The following CYP4F11 variants were observed in gnomAD, a reference collection of about 807,000 sequenced individuals.
CYP4F11 encodes the protein cytochrome P450 family 4 subfamily F member 11, also known as cytochrome P450 4F11.
CYP4F11 carries 79 observed loss-of-function variants against 62.2 expected under a neutral mutation model. That is an observed-to-expected ratio of 1.27 (90% CI 1.06 to 1.53). CYP4F11 has a LOEUF of 1.53. Among genes scored for constraint, CYP4F11 ranks in the 40% most tolerant of loss-of-function variants. The pLI, the probability that CYP4F11 is intolerant of heterozygous loss-of-function variation, is 0.00. For synonymous variants in CYP4F11, 290 were observed against 263.7 expected, an observed-to-expected ratio of 1.10 and a Z score of -0.97; for missense variants, 777 against 680.5, an observed-to-expected ratio of 1.14 and a Z score of -1.58.
chr19:15,920,652 G>T (rs1412515267), intron 8 of CYP4F11, among the ~76,000 whole-genome samples: 9 of 152,140 alleles, frequency 5.9e-5, no homozygotes, highest in African/African-American at 2.2e-4. Context: ...GCCTGGCTCA[G>T]ACCTCAGAAT....
chr19:15,916,380 C>T (rs946122836), intron 8 of CYP4F11, among the ~76,000 whole-genome samples: 1 of 152,106 alleles, frequency 6.6e-6, no homozygotes, highest in Admixed American at 6.6e-5. Context: ...GAATGCATGA[C>T]TAAGACCTCA....
chr19:15,919,285 C>T lies in CYP4F11; in HGVS notation c.1115+2752G>A, dbSNP rs988549837. On this transcript the variant is annotated intron_variant, in intron 8 of 11. Coordinates refer to ENST00000402119, the MANE Select transcript of CYP4F11 (RefSeq NM_021187.4). Reference sequence around the variant, plus strand: ...TATAAATATGTATATATTTCATTGACTCCTATTTATATAAATAAAATACAT... The same window carrying T: ...TATAAATATGTATATATTTCATTGATTCCTATTTATATAAATAAAATACAT... 5.4e-5 allele frequency among the ~76,000 whole-genome samples: 8 copies of T among 147,188 alleles called. 1 individual carries two copies. In the South Asian group the frequency reaches 1.3e-3, roughly 24 times the overall value.
Position 15,922,084 on chromosome 19 carries a change from T to C in CYP4F11, c.1068A>G (p.Gln356=). 6.2e-7 allele frequency: 1 copy of C among 1,614,060 alleles called. No homozygotes were observed. The highest frequency in any genetic ancestry group is 8.5e-7 in the Non-Finnish European group (1 of 1,179,946). The change falls in exon 8 of 12, where the codon CAA becomes CAG. Residue 356 remains glutamine, a synonymous_variant. Coordinates refer to ENST00000402119, the MANE Select transcript of CYP4F11 (RefSeq NM_021187.4). ...KHPEYQEQCR[Q]EVQELLKDRE... ...GGTCCTTCAGAAGCTCTTGCACTTC[T>C]TGCCGGCACTGTTCCTGGTATTCTG...
rs1031284990 is a variant in CYP4F11 at position 15,912,480 on chromosome 19, G to A, written c.*1252C>T. ...GATCAGAATCAAGGCCAGAGTAACC[G>A]AGTGTAGCAAGGGAAGGAGATCAGC... On this transcript the variant is annotated 3_prime_UTR_variant, in exon 12 of 12. Transcript: ENST00000402119. 6.6e-6 allele frequency: 1 copy of A among 151,828 alleles called. No individual in the cohort carries two copies. Among genetic ancestry groups the A allele is most frequent in the South Asian group, 2.1e-4 (1 of 4,798 alleles). The allele number at this position is 151,828 out of a possible 1,614,324, so 9.4% of individuals were successfully genotyped here.
chr19:15,923,732 G>A, intron 6 of CYP4F11, 80 bp downstream of exon 6: 1 of 1,533,486 alleles, frequency 6.5e-7, no homozygotes, highest in Non-Finnish European at 8.8e-7. Flanking sequence ...GTGCCCTTTG[G>A]ATCAAGTCCA....
At chr19:15,919,405 T>TGGATGCAC (rs1555777225) in intron 8 of CYP4F11, among the ~76,000 whole-genome samples, 27 of 141,126 alleles carry the variant, frequency 1.9e-4, no homozygotes, top group African/African-American at 7.1e-4. Flanking sequence ...GGATAAAGGA[T>TGGATGCAC]GGATGGACGG....
rs763634517 is a variant in CYP4F11, at chr19:15,914,830, G to A, written c.1181C>T (p.Pro394Leu). 3 of 1,614,026 alleles carry A rather than the reference G, an allele frequency of 1.9e-6. No individual in the cohort carries two copies. In the African/African-American group the frequency reaches 4.0e-5, roughly 22 times the overall value. ...CIKESLRLHP[P>L]VPVISRCCTQ... ...GCAACATCGGGAGATGACCGGGACT[G>A]GGGGATGCAACCGCAGGCTCTCCTT... Residue 394 changes from proline (P) to leucine (L), a missense_variant, in exon 9 of 12, where the codon CCA becomes CTA. Physicochemically the swap from Pro to Leu is moderately conservative, Grantham distance 98 (BLOSUM62 -3). Transcript: ENST00000402119.
chr19:15,922,153 T>C lies in CYP4F11; in HGVS notation c.999A>G (p.Thr333=), dbSNP rs2089634287. 1 of 1,612,460 alleles carries C rather than the reference T, an allele frequency of 6.2e-7. No individual in the cohort carries two copies. The highest frequency in any genetic ancestry group is 8.5e-7 in the Non-Finnish European group (1 of 1,179,280). Residue 333 remains threonine (T), a synonymous_variant, in exon 8 of 12, where the codon ACA becomes ACG. Transcript: ENST00000402119. ...ATAGGACCCAGGAGAGACCACTGGC[T>C]GTAGTGTCATGGCCTGAGGGGCAGC... ...DTFMFEGHDT[T]ASGLSWVLYH... is the part of the protein sequence containing the mutation.
At chr19:15,926,837 C>G (rs2089671744) in intron 4 of CYP4F11, among the ~76,000 whole-genome samples, 1 of 68,802 alleles carries the variant, frequency 1.5e-5, no homozygotes, top group South Asian at 4.8e-4. Flanking sequence ...CATCCACATG[C>G]AGAAGAACCA....
chr19:15,924,919 G>T (rs767236868), intron 4 of CYP4F11, 37 bp from the exon 5 acceptor site: 20 of 1,589,056 alleles, frequency 1.3e-5, no homozygotes, highest in Non-Finnish European at 1.7e-5. Context: ...GCTGGGAACT[G>T]CCTCCTGGGA....
At chr19:15,934,547 G>T, upstream of CYP4F11, 1 of 1,022,732 alleles carries the variant, frequency 9.8e-7, no homozygotes, top group Non-Finnish European at 1.4e-6. Flanking sequence ...GTAAACAAGA[G>T]CTGAGATCTA....
At chr19:15,919,353 G>GGATAGATA (rs3056075) in intron 8 of CYP4F11, among the ~76,000 whole-genome samples, 144 of 149,754 alleles carry the variant, frequency 9.6e-4, no homozygotes, top group African/African-American at 2.8e-3. Context: ...ATCGATGGAT[G>GGATAGATA]GATAGATAGA....
intron 1 of CYP4F11, 147 bp from the exon 2 acceptor site, chr19:15,929,748 T>C: frequency 1.0e-6 from 1 of 958,014 alleles, no homozygotes. Context: ...CATCGGTGTA[T>C]TTCCAGAAGA....
At position 15,929,536 on chromosome 19, in the gene CYP4F11, A is replaced by C; in HGVS notation, c.264T>G (p.Phe88Leu). 1 of 1,614,100 alleles carries C rather than the reference A, an allele frequency of 6.2e-7. No homozygotes were observed. Among genetic ancestry groups the C allele is most frequent in the Non-Finnish European group, 8.5e-7 (1 of 1,179,972 alleles). Reference sequence around the variant, plus strand: ...GGAAGGTAGGACCCAGCCACAACTTAAAGCCCTGGGGATATGTGGTCACCA... The same window carrying C: ...GGAAGGTAGGACCCAGCCACAACTTCAAGCCCTGGGGATATGTGGTCACCA... ...TQLVTTYPQG[F>L]KLWLGPTFPL... The change falls in exon 2 of 12, where the codon TTT becomes TTG. Residue 88 changes from phenylalanine (F) to leucine (L), a missense_variant. Coordinates refer to ENST00000402119, the MANE Select transcript of CYP4F11 (RefSeq NM_021187.4).
intron 4 of CYP4F11, among the ~76,000 whole-genome samples, chr19:15,926,852 ACT>A (rs1491234775): frequency 0.54 from 82,432 of 151,974 alleles, 22,931 homozygotes; most frequent in Non-Finnish European, 0.6. Flanking sequence ...GAACCAGCCA[ACT>A]GTCTCACACA....
rs2089546233 is a variant in CYP4F11, at chr19:15,912,767, G to GTGTATA, written c.*964_*965insTATACA. ...TATATGTGTGTGTGTGTGTGTGTGTGTGTGTATATATATATATATATAATA... is the reference window on the plus strand; with the variant it reads ...TATATGTGTGTGTGTGTGTGTGTGTGTGTATATGTGTATATATATATATATATAATA... On this transcript the variant is annotated 3_prime_UTR_variant, in exon 12 of 12. Coordinates refer to ENST00000402119, the MANE Select transcript of CYP4F11 (RefSeq NM_021187.4). 3.9e-5 allele frequency: 1 copy of GTGTATA among 25,702 alleles called. No individual in the cohort carries two copies. Among genetic ancestry groups the GTGTATA allele is most frequent in the African/African-American group, 1.3e-4 (1 of 7,918 alleles). 1.6% of individuals were successfully genotyped at this position (25,702 alleles called of 1,614,324 possible).
chr19:15,927,868 T>C (rs1399551040), intron 2 of CYP4F11: 1 of 215,184 alleles, frequency 4.6e-6, no homozygotes, highest in Non-Finnish European at 9.2e-6. Flanking sequence ...GCCCCGACAG[T>C]TGTTAACATT....
rs761489252 is a variant in CYP4F11 at position 15,913,788 on chromosome 19, G to A, written c.1519C>T (p.Arg507Cys). ...CGCAGCCAAAGTCCACCCTCTGCGC[G>A]CAATATCAGCTCGGGTTTCCTGCGG... ...EPRRKPELIL[R>C]AEGGLWLRVE... The change falls in exon 12 of 12, where the codon CGC becomes TGC. Residue 507 changes from arginine to cysteine, a missense_variant. Coordinates refer to ENST00000402119, the MANE Select transcript of CYP4F11 (RefSeq NM_021187.4). The A allele has an allele frequency of 9.3e-6, 15 of 1,614,054 alleles. No individual in the cohort carries two copies. The highest frequency in any genetic ancestry group is 2.2e-5 in the East Asian group (1 of 44,896).
At chr19:15,931,412 C>T (rs2089714968) in intron 1 of CYP4F11, among the ~76,000 whole-genome samples, 1 of 151,858 alleles carries the variant, frequency 6.6e-6, no homozygotes, top group Non-Finnish European at 1.5e-5. Flanking sequence ...ACCCATACCA[C>T]TCCCACAGGA....
Sources: allele counts gnomAD v4.1 joint callset (sites outside exome capture counted in the v4.1 genomes callset), GRCh38; gene constraint gnomAD v4.1.1; transcripts MANE v1.5; gene names NCBI Gene and HGNC (gene_info 2026-07-23, HGNC 2026-07-21).